SDK1: variants seen among roughly 807,000 people sequenced by gnomAD.
The protein encoded by SDK1 is protein sidekick-1.
Under a neutral mutation model 245.5 loss-of-function variants are expected in SDK1, and 157 were observed. That is an observed-to-expected ratio of 0.64 (90% CI 0.56 to 0.73). The LOEUF is 0.73. SDK1 is among the 30% of genes least tolerant of loss of function. The pLI, the probability that SDK1 is intolerant of heterozygous loss-of-function variation, is 0.00. For missense variants in SDK1, 3,583 were observed against 3,002.3 expected, an observed-to-expected ratio of 1.19 and a Z score of -4.52; for synonymous variants, 1,647 against 1,278.5, an observed-to-expected ratio of 1.29 and a Z score of -6.15.
chr7:3,953,573 T>A (rs1169155486), intron 7 of SDK1, among the ~76,000 whole-genome samples: 1 of 152,238 alleles, frequency 6.6e-6, no homozygotes, highest in African/African-American at 2.4e-5. Context: ...ATTTGCGACG[T>A]GTAAATCTCT....
chr7:3,416,610 T>G (rs926463385), intron 1 of SDK1, among the ~76,000 whole-genome samples: 5 of 152,084 alleles, frequency 3.3e-5, no homozygotes, highest in Non-Finnish European at 5.9e-5. Flanking sequence ...CTATACTTCT[T>G]CTAGTCCAGC....
intron 28 of SDK1, among the ~76,000 whole-genome samples, 172 bp from the exon 29 acceptor site, chr7:4,145,550 C>A (rs74634324): frequency 0.023 from 3,470 of 152,140 alleles, 123 homozygotes; most frequent in African/African-American, 0.078. Context: ...CACGTGGGGC[C>A]CCACCATTCA....
intron 28 of SDK1, among the ~76,000 whole-genome samples, chr7:4,139,157 C>G (rs1779293965): frequency 6.7e-6 from 1 of 149,622 alleles, no homozygotes; most frequent in African/African-American, 2.5e-5. Context: ...CGTTCATCAG[C>G]TTCTTCTCCG....
At position 3,301,504 on chromosome 7, in the gene SDK1, G is replaced by A; in HGVS notation, c.-83G>A. 7.0e-6 allele frequency: 3 copies of A among 431,618 alleles called. No individual in the cohort carries two copies. Among genetic ancestry groups the A allele is most frequent in the Non-Finnish European group, 9.2e-6 (3 of 327,568 alleles). The allele number at this position is 431,618 out of a possible 1,614,324, so 26.7% of individuals were successfully genotyped here. On this transcript the variant is annotated 5_prime_UTR_variant, in exon 1 of 45. The change creates a new upstream start codon in the 5' untranslated region. Coordinates refer to ENST00000404826, the MANE Select transcript of SDK1 (RefSeq NM_152744.4). ...CGGGGGGCGCCGCGCCTCCCGCGGAGTGGCCGCGCCCGCTCGGAGCCGTCC... is the reference window on the plus strand; with the variant it reads ...CGGGGGGCGCCGCGCCTCCCGCGGAATGGCCGCGCCCGCTCGGAGCCGTCC...
chr7:3,606,551 C>G (rs897811913), intron 1 of SDK1, among the ~76,000 whole-genome samples: 4 of 152,202 alleles, frequency 2.6e-5, no homozygotes, highest in Non-Finnish European at 4.4e-5. Context: ...TTCATCCACC[C>G]TGGTGTCACT....
Position 4,158,759 on chromosome 7 carries a change from G to A in SDK1, c.4729+208G>A, listed in dbSNP as rs1207455100. Among the ~76,000 whole-genome samples, 10 of 152,334 alleles carry A rather than the reference G, an allele frequency of 6.6e-5. No individual in the cohort carries two copies. In the East Asian group the frequency reaches 1.5e-3, roughly 23 times the overall value. ...TCAAGGGCTTCCAAATGGAATGGAA[G>A]TTTCTTTGATTGGCTTCTAAAGCCC... On this transcript the variant is annotated intron_variant, in intron 31 of 44. Transcript: ENST00000404826.
intron 1 of SDK1, among the ~76,000 whole-genome samples, chr7:3,485,418 G>C (rs1383864974): frequency 1.3e-5 from 2 of 152,084 alleles, no homozygotes; most frequent in African/African-American, 4.8e-5. Flanking sequence ...CTAACACCTA[G>C]TTCCAATGCC....
At chr7:3,411,374 T>C (rs1011770413) in intron 1 of SDK1, among the ~76,000 whole-genome samples, 2 of 152,338 alleles carry the variant, frequency 1.3e-5, no homozygotes, top group South Asian at 4.1e-4. Flanking sequence ...CAAAAACGGT[T>C]GACTACACAT....
rs548212935 is a variant in SDK1 at position 3,679,454 on chromosome 7, G to C, written c.713+37349G>C. Among the ~76,000 whole-genome samples, 108 of 152,164 alleles carry C rather than the reference G, an allele frequency of 7.1e-4. 3 individuals carry two copies. In the South Asian group the frequency reaches 0.019, roughly 27 times the overall value. On this transcript the variant is annotated intron_variant, in intron 4 of 44. Coordinates refer to ENST00000404826, the MANE Select transcript of SDK1 (RefSeq NM_152744.4). ...CGGTGGCGGGCGCCTGTAGTCCCAG[G>C]TACTCGGGAGGCTGAGGCAGGAGAA... is the stretch of plus-strand genomic sequence containing the variant.
intron 13 of SDK1, among the ~76,000 whole-genome samples, chr7:3,982,787 C>A (rs974172744): frequency 6.6e-6 from 1 of 151,530 alleles, no homozygotes; most frequent in East Asian, 1.9e-4. Flanking sequence ...TTGCAGTGAG[C>A]TGAGATCGTG....
intron 1 of SDK1, among the ~76,000 whole-genome samples, chr7:3,327,308 T>G (rs903636551): frequency 5.3e-5 from 8 of 152,146 alleles, no homozygotes; most frequent in African/African-American, 1.9e-4. Flanking sequence ...TCTGCAGATT[T>G]GTCATGTGGA....
intron 4 of SDK1, among the ~76,000 whole-genome samples, chr7:3,801,328 T>C (rs1011991337): frequency 6.6e-6 from 1 of 152,212 alleles, no homozygotes; most frequent in African/African-American, 2.4e-5. Flanking sequence ...GTGCATATAA[T>C]TTATTCTCTT....
chr7:3,816,617 C>G (rs1049143958), intron 4 of SDK1, among the ~76,000 whole-genome samples: 2 of 151,808 alleles, frequency 1.3e-5, no homozygotes, highest in Admixed American at 1.3e-4. Flanking sequence ...GTTTACCAAC[C>G]AAAAAGAGTC....
At position 4,118,060 on chromosome 7, in the gene SDK1, G is replaced by A. The variant is rs193271436; in HGVS notation, c.3823+3786G>A. The stretch of plus-strand genomic sequence containing the variant: ...ATTTGGTTCCAGAAACCAAAAGCAC[G>A]AGCAACTAAAGAAAAAGTAGATACA... On this transcript the variant is annotated intron_variant, in intron 25 of 44. Coordinates refer to ENST00000404826, the MANE Select transcript of SDK1 (RefSeq NM_152744.4). 3.4e-4 allele frequency among the ~76,000 whole-genome samples: 51 copies of A among 152,106 alleles called. 1 individual carries two copies. Among genetic ancestry groups the A allele is most frequent in the Admixed American group, 2.6e-3 (39 of 15,282 alleles).
chr7:3,760,242 A>G lies in SDK1; in HGVS notation c.714-61208A>G, dbSNP rs760177065. On this transcript the variant is annotated intron_variant, in intron 4 of 44. Transcript: ENST00000404826. ...GATGATCCAGTGCAGTTTTTGATCA[A>G]TTTCAACAGAAGACTCAGGTTGTCC... Among the ~76,000 whole-genome samples the G allele has an allele frequency of 2.4e-4, 37 of 152,258 alleles. 1 individual carries two copies. The highest frequency in any genetic ancestry group is 4.3e-4 in the Non-Finnish European group (29 of 68,026).
intron 5 of SDK1, among the ~76,000 whole-genome samples, chr7:3,868,838 G>A (rs564381029): frequency 5.1e-4 from 78 of 152,270 alleles, no homozygotes; most frequent in Non-Finnish European, 9.6e-4. Flanking sequence ...CATCATTTCA[G>A]CCTTCAGAGT....
At chr7:3,766,777 G>T (rs894686378) in intron 4 of SDK1, among the ~76,000 whole-genome samples, 17 of 152,076 alleles carry the variant, frequency 1.1e-4, no homozygotes, top group African/African-American at 4.1e-4. Context: ...GAATTTTTTG[G>T]AATTAGTTTT....
rs569955906 is a variant in SDK1 at position 3,509,233 on chromosome 7, T to C, written c.299-109847T>C. On this transcript the variant is annotated intron_variant, in intron 1 of 44. Coordinates refer to ENST00000404826, the MANE Select transcript of SDK1 (RefSeq NM_152744.4). ...GACTTGACCCCCAGGATACCACTTC[T>C]GTTACAGATGCTTGGGGAGGGGTCC... is the stretch of plus-strand genomic sequence containing the variant. 7.9e-5 allele frequency among the ~76,000 whole-genome samples: 12 copies of C among 152,286 alleles called. 1 individual carries two copies. In the South Asian group the frequency reaches 2.3e-3, roughly 29 times the overall value.
chr7:3,964,028 C>T (rs1231106935), intron 9 of SDK1, among the ~76,000 whole-genome samples: 1 of 152,232 alleles, frequency 6.6e-6, no homozygotes, highest in Non-Finnish European at 1.5e-5. Context: ...CCTTGGCCCA[C>T]AGCTACCTGG....
Sources: allele counts gnomAD v4.1 joint callset (sites outside exome capture counted in the v4.1 genomes callset), GRCh38; gene constraint gnomAD v4.1.1; transcripts MANE v1.5; gene names NCBI Gene and HGNC (gene_info 2026-07-23, HGNC 2026-07-21).